The following LHFPL3 variants were observed in gnomAD, a reference collection of about 807,000 sequenced individuals.
The protein encoded by LHFPL3 is LHFPL tetraspan subfamily member 3, also known as LHFPL tetraspan subfamily member 3 protein.
Under a neutral mutation model 19.3 loss-of-function variants are expected in LHFPL3, and 5 were observed. The ratio of observed to expected loss-of-function variants is 0.26; its 90% CI spans 0.14 to 0.54. LHFPL3 has a LOEUF of 0.54. Ranked by LOEUF, LHFPL3 falls within the 20% of genes least tolerant of loss-of-function variation. LHFPL3 has a pLI of 0.94. For missense variants in LHFPL3, 249 were observed against 307.4 expected (o/e 0.81, Z 1.42); for synonymous variants, 133 against 126.2 (o/e 1.05, Z -0.36).
intron 2 of LHFPL3, among the ~76,000 whole-genome samples, chr7:104,809,057 G>T (rs1790419494): frequency 6.6e-6 from 1 of 151,964 alleles, no homozygotes; most frequent in African/African-American, 2.4e-5. Context: ...ACCAGGCCCA[G>T]CTAATTTTTG....
chr7:104,895,827 T>C (rs1403238232), intron 2 of LHFPL3: 4 of 152,170 alleles, frequency 2.6e-5, no homozygotes, highest in Non-Finnish European at 5.9e-5. Flanking sequence ...AATGAAAACA[T>C]TGGAACCATT....
chr7:104,703,415 A>G (rs1037855920), intron 1 of LHFPL3, among the ~76,000 whole-genome samples: 9 of 152,156 alleles, frequency 5.9e-5, no homozygotes, highest in Admixed American at 2.6e-4. Flanking sequence ...TTTTTAGCCA[A>G]TTTTGCCTCA....
chr7:104,887,675 C>A (rs139922772), intron 2 of LHFPL3, among the ~76,000 whole-genome samples: 2 of 152,246 alleles, frequency 1.3e-5, no homozygotes, highest in East Asian at 3.9e-4. Context: ...AATGGTAAAG[C>A]CTAAGGGGAA....
rs536580212 is a variant in LHFPL3, at chr7:104,355,262, C to T, written c.445+26038C>T. On this transcript the variant is annotated intron_variant, in intron 1 of 2. Transcript: ENST00000424859. ...TCTCCTTTTCTCAGTTGTCAATATCCCCAATTCCCCCAATGGTACCTTACA... is the reference window on the plus strand; with the variant it reads ...TCTCCTTTTCTCAGTTGTCAATATCTCCAATTCCCCCAATGGTACCTTACA... Among the ~76,000 whole-genome samples the T allele has an allele frequency of 3.1e-3, 473 of 152,232 alleles. 6 individuals carry two copies. The highest frequency in any genetic ancestry group is 9.7e-4 in the East Asian group (5 of 5,174).
chr7:104,391,151 G>A (rs1228638646), intron 1 of LHFPL3, among the ~76,000 whole-genome samples: 1 of 151,990 alleles, frequency 6.6e-6, no homozygotes, highest in East Asian at 1.9e-4. Context: ...TCACTCTGAT[G>A]GTACTTTCTT....
intron 2 of LHFPL3, among the ~76,000 whole-genome samples, chr7:104,860,623 A>G (rs1446538704): frequency 6.6e-6 from 1 of 152,196 alleles, no homozygotes; most frequent in African/African-American, 2.4e-5. Flanking sequence ...ACACTTTAAG[A>G]GGGAGCAGTA....
chr7:104,368,651 AC>A (rs1790544135), intron 1 of LHFPL3, among the ~76,000 whole-genome samples: 1 of 68,774 alleles, frequency 1.5e-5, no homozygotes, highest in African/African-American at 7.4e-5. Flanking sequence ...GCACACATGT[AC>A]GTGTGTGTGT....
intron 1 of LHFPL3, among the ~76,000 whole-genome samples, chr7:104,645,402 G>A (rs1791913419): frequency 6.6e-6 from 1 of 152,162 alleles, no homozygotes; most frequent in South Asian, 2.1e-4. Flanking sequence ...AAACTTGGAC[G>A]AGGATGGATG....
At chr7:104,392,162 T>C (rs560873935) in intron 1 of LHFPL3, among the ~76,000 whole-genome samples, 10 of 152,220 alleles carry the variant, frequency 6.6e-5, no homozygotes, top group Admixed American at 2.0e-4. Context: ...CTTTTCCTGA[T>C]TGAATACCCT....
At chr7:104,825,852 G>A (rs985307079) in intron 2 of LHFPL3, among the ~76,000 whole-genome samples, 3 of 151,842 alleles carry the variant, frequency 2.0e-5, no homozygotes, top group Non-Finnish European at 2.9e-5. Flanking sequence ...CCCTCATCCC[G>A]AGTTGAGTTA....
At chr7:104,665,422 C>G (rs754431369) in intron 1 of LHFPL3, among the ~76,000 whole-genome samples, 6 of 152,172 alleles carry the variant, frequency 3.9e-5, no homozygotes, top group Non-Finnish European at 5.9e-5. Flanking sequence ...TTGTAATAGT[C>G]CATTCCATTA....
At chr7:104,482,189 C>T (rs559488089) in intron 1 of LHFPL3, among the ~76,000 whole-genome samples, 1 of 152,196 alleles carries the variant, frequency 6.6e-6, no homozygotes, top group Non-Finnish European at 1.5e-5. Flanking sequence ...CCACTGAGGT[C>T]GGATTTCCAT....
At chr7:104,851,551 G>C (rs1480170873) in intron 2 of LHFPL3, among the ~76,000 whole-genome samples, 1 of 152,248 alleles carries the variant, frequency 6.6e-6, no homozygotes, top group South Asian at 2.1e-4. Flanking sequence ...CCAACGCATT[G>C]GTCACCCTGG....
intron 1 of LHFPL3, among the ~76,000 whole-genome samples, chr7:104,353,582 G>A (rs1475663580): frequency 1.3e-5 from 2 of 152,184 alleles, no homozygotes; most frequent in Non-Finnish European, 2.9e-5. Flanking sequence ...GGGTAATTCT[G>A]AATTATGGCA....
At chr7:104,688,607 C>T (rs1188489878) in intron 1 of LHFPL3, among the ~76,000 whole-genome samples, 1 of 152,134 alleles carries the variant, frequency 6.6e-6, no homozygotes, top group Non-Finnish European at 1.5e-5. Context: ...CCCATGCTGC[C>T]ATCAGCCTTT....
chr7:104,392,586 G>T (rs1051566256), intron 1 of LHFPL3, among the ~76,000 whole-genome samples: 1 of 152,160 alleles, frequency 6.6e-6, no homozygotes, highest in Admixed American at 6.5e-5. Flanking sequence ...GATTTGGTTT[G>T]CCAGTATTTT....
chr7:104,849,884 T>TA (rs1337413953), intron 2 of LHFPL3, among the ~76,000 whole-genome samples: 2 of 152,208 alleles, frequency 1.3e-5, no homozygotes, highest in East Asian at 3.8e-4. Flanking sequence ...TTTATACAGA[T>TA]AGAGCAGAGG....
chr7:104,583,465 C>G (rs1230481346), intron 1 of LHFPL3, among the ~76,000 whole-genome samples: 1 of 152,158 alleles, frequency 6.6e-6, no homozygotes, highest in African/African-American at 2.4e-5. Flanking sequence ...CAAATGGGAT[C>G]TAATTAAACT....
At chr7:104,626,529 A>G (rs1791548775) in intron 1 of LHFPL3, among the ~76,000 whole-genome samples, 1 of 152,100 alleles carries the variant, frequency 6.6e-6, no homozygotes, top group South Asian at 2.1e-4. Context: ...TGACATATGG[A>G]TGCTGGACAT....
Sources: gnomAD v4.1 joint callset for allele counts (sites outside exome capture counted in the v4.1 genomes callset) on GRCh38, gnomAD v4.1.1 for gene constraint, MANE v1.5 for transcripts, NCBI Gene and HGNC (gene_info 2026-07-23, HGNC 2026-07-21) for gene names.